Variants in ROCK1 observed in about 807,000 individuals in gnomAD.
ROCK1 encodes the protein rho-associated protein kinase 1.
A neutral mutation model predicts 196.8 loss-of-function variants in ROCK1; 36 were observed. The observed-to-expected ratio is 0.18, with a 90% CI of 0.14 to 0.24. The LOEUF (loss-of-function observed/expected upper bound fraction) is 0.24, where lower values mean the gene tolerates loss of function less well. Ranked by LOEUF, ROCK1 falls within the 10% of genes least tolerant of loss-of-function variation. The probability of loss-of-function intolerance (pLI) is 1.00; values close to 1 mark genes in which losing one functional copy is unlikely to be tolerated. For synonymous variants in ROCK1, 443 were observed against 515.9 expected (o/e 0.86, Z 1.91); for missense variants, 920 against 1,562.0 (o/e 0.59, Z 6.93).
intron 9 of ROCK1, among the ~76,000 whole-genome samples, chr18:21,031,273 A>C (rs2036003778): frequency 6.6e-6 from 1 of 152,172 alleles, no homozygotes; most frequent in Non-Finnish European, 1.5e-5. Context: ...CATGTAAAGA[A>C]GCAAGAAAAT....
Position 20,962,235 on chromosome 18 carries a change from C to G in ROCK1, c.3353-2029G>C, listed in dbSNP as rs570493127. ...TATTGATCATTCACCAATATTTTATCTTATAAAAGCAAAAAAGTTATTGCC... is the reference window on the plus strand; with the variant it reads ...TATTGATCATTCACCAATATTTTATGTTATAAAAGCAAAAAAGTTATTGCC... On this transcript the variant is annotated intron_variant, in intron 27 of 32. Coordinates refer to ENST00000399799, the MANE Select transcript of ROCK1 (RefSeq NM_005406.3). Among the ~76,000 whole-genome samples, 499 of 152,170 alleles carry G rather than the reference C, an allele frequency of 3.3e-3. 7 individuals are homozygous for G. The highest frequency in any genetic ancestry group is 0.011 in the African/African-American group (475 of 41,534).
At chr18:20,998,597 CTTTTTT>C (rs541265477) in intron 16 of ROCK1, among the ~76,000 whole-genome samples, 1 of 97,324 alleles carries the variant, frequency 1.0e-5, no homozygotes, top group South Asian at 3.4e-4. Context: ...TTTTACCAAA[CTTTTTT>C]TTTTTTTTTT....
intron 9 of ROCK1, among the ~76,000 whole-genome samples, chr18:21,030,781 T>C (rs1465046287): frequency 6.6e-6 from 1 of 152,204 alleles, no homozygotes; most frequent in African/African-American, 2.4e-5. Flanking sequence ...AAATAACTGT[T>C]AATTTAGAAA....
intron 16 of ROCK1, among the ~76,000 whole-genome samples, chr18:20,997,347 ACTTGTATCAGACAAAATAGATTTC>A (rs2035680702): frequency 6.6e-6 from 1 of 152,344 alleles, no homozygotes; most frequent in South Asian, 2.1e-4. Context: ...TAGCAGTTAT[ACTTGTATCAGACAAAATAGATTTC>A]AAGACAAAAA....
intron 19 of ROCK1, among the ~76,000 whole-genome samples, chr18:20,985,238 T>C (rs1434827678): frequency 2.6e-5 from 4 of 152,244 alleles, no homozygotes; most frequent in Non-Finnish European, 5.9e-5. Flanking sequence ...CAAATATTTC[T>C]GAAGTGTTTA....
chr18:21,014,969 AT>A (rs1448225575), intron 13 of ROCK1, among the ~76,000 whole-genome samples: 8 of 152,354 alleles, frequency 5.3e-5, no homozygotes, highest in South Asian at 2.1e-4. Flanking sequence ...ATAATAAAAA[AT>A]TTTGACAGGT....
chr18:21,084,779 G>A (rs933438328), intron 1 of ROCK1, among the ~76,000 whole-genome samples: 1 of 152,164 alleles, frequency 6.6e-6, no homozygotes, highest in African/African-American at 2.4e-5. Flanking sequence ...ACCGAAAGAA[G>A]GGATTCGAAC....
chr18:20,959,007 TTATATAATATATATAATA>T (rs1166787703), intron 29 of ROCK1, among the ~76,000 whole-genome samples: 2 of 78,188 alleles, frequency 2.6e-5, no homozygotes, highest in South Asian at 5.8e-4. Flanking sequence ...TATATATATT[TTATATAATATATATAATA>T]TATATATTTT....
chr18:20,984,737 A>G (rs553160515), intron 19 of ROCK1, among the ~76,000 whole-genome samples: 1 of 152,334 alleles, frequency 6.6e-6, no homozygotes, highest in South Asian at 2.1e-4. Flanking sequence ...AATTTCAGAC[A>G]TGAGATCTTG....
rs781130435 is a variant in ROCK1, at chr18:20,954,982, A to C, written c.3654T>G (p.Ala1218=). Residue 1218 remains alanine, a synonymous_variant, in exon 31 of 33, where the codon GCT becomes GCG. Coordinates refer to ENST00000399799, the MANE Select transcript of ROCK1 (RefSeq NM_005406.3). ...KDVEMEPVQQ[A]EKTNFQNHKG... ...TGTGATTTTGGAAATTAGTTTTTTC[A>C]GCTTGTTGTACTGGTTCCATCTCTA... 1 of 1,613,844 alleles carries C rather than the reference A, an allele frequency of 6.2e-7. No homozygotes were observed. The highest frequency in any genetic ancestry group is 8.5e-7 in the Non-Finnish European group (1 of 1,179,870).
chr18:21,050,259 C>T (rs964965102), intron 2 of ROCK1, among the ~76,000 whole-genome samples: 1 of 150,842 alleles, frequency 6.6e-6, no homozygotes, highest in Non-Finnish European at 1.5e-5. Context: ...TAGATTAATA[C>T]TGGAATAAAT....
intron 22 of ROCK1, among the ~76,000 whole-genome samples, chr18:20,971,311 C>T (rs978929947): frequency 3.9e-5 from 1 of 25,516 alleles, no homozygotes; most frequent in African/African-American, 8.1e-5. Flanking sequence ...AACATACACA[C>T]ACACACACAC....
Position 20,947,011 on chromosome 18 carries a change from T to C in ROCK1, c.*4373A>G, listed in dbSNP as rs1232004432. The C allele has an allele frequency of 6.6e-6, 1 of 152,234 alleles. No individual in the cohort carries two copies. The highest frequency in any genetic ancestry group is 1.5e-5 in the Non-Finnish European group (1 of 68,044). The allele number at this position is 152,234 out of a possible 1,614,324, so 9.4% of individuals were successfully genotyped here. On this transcript the variant is annotated 3_prime_UTR_variant, in exon 33 of 33. Coordinates refer to ENST00000399799, the MANE Select transcript of ROCK1 (RefSeq NM_005406.3). ...CACTTTATTCACAATCTTTGCATTA[T>C]ACACTTTATTTCTAAGCATTTATAT...
At chr18:21,008,627 C>T (rs762903751) in intron 13 of ROCK1, among the ~76,000 whole-genome samples, 4 of 152,166 alleles carry the variant, frequency 2.6e-5, no homozygotes, top group Non-Finnish European at 2.9e-5. Context: ...TTACCACTAT[C>T]AGTAAATCTT....
chr18:21,022,394 G>A (rs1320503070), intron 11 of ROCK1, among the ~76,000 whole-genome samples: 2 of 152,106 alleles, frequency 1.3e-5, no homozygotes, highest in Non-Finnish European at 2.9e-5. Flanking sequence ...GACAAATTAA[G>A]ATGATGCTAA....
chr18:20,997,478 G>C (rs1047564938), intron 16 of ROCK1, among the ~76,000 whole-genome samples: 4 of 152,234 alleles, frequency 2.6e-5, no homozygotes, highest in African/African-American at 9.6e-5. Flanking sequence ...CCCAACACTG[G>C]AGCAACCAGA....
At chr18:21,089,455 T>G (rs960961637) in intron 1 of ROCK1, among the ~76,000 whole-genome samples, 2 of 152,256 alleles carry the variant, frequency 1.3e-5, no homozygotes, top group African/African-American at 2.4e-5. Context: ...TGGACACTCA[T>G]ATCTGCGCCT....
At chr18:21,020,930 CAT>C (rs2035908164) in intron 11 of ROCK1, among the ~76,000 whole-genome samples, 1 of 152,106 alleles carries the variant, frequency 6.6e-6, no homozygotes, top group Non-Finnish European at 1.5e-5. Flanking sequence ...TGAGAAATGA[CAT>C]AATACTGGCA....
intron 16 of ROCK1, among the ~76,000 whole-genome samples, chr18:20,997,781 T>G (rs1355371375): frequency 3.3e-5 from 5 of 151,862 alleles, no homozygotes; most frequent in Non-Finnish European, 7.4e-5. Flanking sequence ...AATTATATCA[T>G]GTATCTATCT....
Sources: gnomAD v4.1 joint callset for allele counts (sites outside exome capture counted in the v4.1 genomes callset) on GRCh38, gnomAD v4.1.1 for gene constraint, MANE v1.5 for transcripts, NCBI Gene and HGNC (gene_info 2026-07-23, HGNC 2026-07-21) for gene names.